EPB41L4A: variants seen among roughly 807,000 people sequenced by gnomAD.
EPB41L4A encodes the protein band 4.1-like protein 4A.
Under a neutral mutation model 108.6 loss-of-function variants are expected in EPB41L4A, and 100 were observed. The observed-to-expected ratio is 0.92, with a 90% CI of 0.78 to 1.09. The LOEUF (loss-of-function observed/expected upper bound fraction) is 1.09, where lower values mean the gene tolerates loss of function less well. Ranked by LOEUF, EPB41L4A falls within the 50% of genes least tolerant of loss-of-function variation. The pLI, the probability that EPB41L4A is intolerant of heterozygous loss-of-function variation, is 0.00. For missense variants in EPB41L4A, 1,030 were observed against 842.7 expected (o/e 1.22, Z -2.75); for synonymous variants, 319 against 289.0 (o/e 1.10, Z -1.05).
At chr5:112,150,111 C>T (rs1202908699) in intron 12 of EPB41L4A, among the ~76,000 whole-genome samples, 1 of 152,090 alleles carries the variant, frequency 6.6e-6, no homozygotes, top group African/African-American at 2.4e-5. Context: ...AACACCAGCC[C>T]TCCCTCATGT....
chr5:112,156,849 C>T (rs957986593), intron 12 of EPB41L4A, among the ~76,000 whole-genome samples: 1 of 152,042 alleles, frequency 6.6e-6, no homozygotes, highest in South Asian at 2.1e-4. Flanking sequence ...CAAGCGTAAT[C>T]AAACAATGAC....
At chr5:112,404,691 A>T (rs114667510) in intron 1 of EPB41L4A, among the ~76,000 whole-genome samples, 5 of 152,154 alleles carry the variant, frequency 3.3e-5, no homozygotes, top group East Asian at 1.9e-4. Context: ...TATTTTCATC[A>T]AGCTGATTAT....
In EPB41L4A at chr5:112,419,015, C is replaced by A. The variant is rs757626176; in HGVS notation, c.25G>T (p.Glu9Ter). 15 of 1,613,576 alleles carry A rather than the reference C, an allele frequency of 9.3e-6. 1 individual carries two copies. Among genetic ancestry groups the A allele is most frequent in the Middle Eastern group, 3.3e-4 (2 of 6,084 alleles). MGCFCAVPEEFYCEVLLLD... is the reference protein window; with the variant it reads MGCFCAVP Reference sequence around the variant, plus strand: ...AGCAAAACTTCGCAGTAAAATTCTTCCGGAACAGCGCAGAAACAGCCCATG... The same window carrying A: ...AGCAAAACTTCGCAGTAAAATTCTTACGGAACAGCGCAGAAACAGCCCATG... Residue 9 changes from glutamate to a stop codon, truncating the protein, a stop_gained, in exon 1 of 23, where the codon GAA becomes TAA. Transcript: ENST00000261486. LOFTEE classifies it high-confidence loss of function.
At chr5:112,392,868 T>G (rs1398711089) in intron 1 of EPB41L4A, 1 of 151,992 alleles carries the variant, frequency 6.6e-6, no homozygotes, top group South Asian at 2.1e-4. Context: ...AATGTAAAAG[T>G]ACAGAAATCA....
At chr5:112,409,766 C>G (rs1188382638) in intron 1 of EPB41L4A, among the ~76,000 whole-genome samples, 1 of 152,086 alleles carries the variant, frequency 6.6e-6, no homozygotes, top group Non-Finnish European at 1.5e-5. Flanking sequence ...TACCACTCAC[C>G]GGGAAAGGAG....
chr5:112,238,395 T>G (rs1199012458), intron 11 of EPB41L4A, among the ~76,000 whole-genome samples: 1 of 152,122 alleles, frequency 6.6e-6, no homozygotes, highest in Non-Finnish European at 1.5e-5. Flanking sequence ...CAATGACACT[T>G]AAGTATTTTT....
At chr5:112,321,720 T>C (rs534258545) in intron 1 of EPB41L4A, among the ~76,000 whole-genome samples, 6 of 152,298 alleles carry the variant, frequency 3.9e-5, no homozygotes, top group Admixed American at 6.5e-5. Context: ...TTTTAAAATA[T>C]AATAGTAAAT....
At chr5:112,215,401 A>T (rs932492745) in intron 12 of EPB41L4A, among the ~76,000 whole-genome samples, 1 of 152,212 alleles carries the variant, frequency 6.6e-6, no homozygotes, top group Non-Finnish European at 1.5e-5. Context: ...AAATAATAAT[A>T]ACTCTAGTGA....
At chr5:112,230,762 C>T (rs535324058) in intron 12 of EPB41L4A, among the ~76,000 whole-genome samples, 1 of 152,012 alleles carries the variant, frequency 6.6e-6, no homozygotes, top group African/African-American at 2.4e-5. Context: ...GTTTTTGTTG[C>T]ATTTGTTTTT....
chr5:112,321,876 T>C (rs1333281053), intron 1 of EPB41L4A, among the ~76,000 whole-genome samples: 1 of 152,174 alleles, frequency 6.6e-6, no homozygotes, highest in Non-Finnish European at 1.5e-5. Context: ...AGAAACACTG[T>C]TTATAACTCA....
chr5:112,346,885 C>G (rs1435181102), intron 1 of EPB41L4A, among the ~76,000 whole-genome samples: 4 of 152,212 alleles, frequency 2.6e-5, no homozygotes, highest in African/African-American at 9.6e-5. Flanking sequence ...TGCTGCATGT[C>G]TACATGGTTT....
intron 18 of EPB41L4A, among the ~76,000 whole-genome samples, chr5:112,179,075 C>T (rs1345551914): frequency 6.6e-6 from 1 of 151,800 alleles, no homozygotes; most frequent in Admixed American, 6.5e-5. Context: ...GAATTATAAG[C>T]AAATTTTTGC....
At position 112,295,369 on chromosome 5, in the gene EPB41L4A, C is replaced by G. The variant is rs531056966; in HGVS notation, c.204+12017G>C. On this transcript the variant is annotated intron_variant, in intron 2 of 22. Coordinates refer to ENST00000261486, the MANE Select transcript of EPB41L4A (RefSeq NM_022140.5). The stretch of plus-strand genomic sequence containing the variant: ...TCGGGGATGCTATGTGAGGACTTCC[C>G]AAAGGATACATGGGTAAACATAGTT... Among the ~76,000 whole-genome samples the G allele has an allele frequency of 3.0e-4, 46 of 152,242 alleles. No individual in the cohort carries two copies. In the South Asian group the frequency reaches 9.5e-3, roughly 32 times the overall value.
intron 2 of EPB41L4A, 77 bp from the exon 3 acceptor site, chr5:112,280,400 T>C (rs1373674139): frequency 2.2e-6 from 3 of 1,341,444 alleles, no homozygotes; most frequent in African/African-American, 2.9e-5. Flanking sequence ...ATTTGCAAAA[T>C]GTTATTTAAA....
intron 12 of EPB41L4A, among the ~76,000 whole-genome samples, chr5:112,222,845 G>C (rs1748164225): frequency 6.6e-6 from 1 of 152,006 alleles, no homozygotes; most frequent in Non-Finnish European, 1.5e-5. Flanking sequence ...GTTACAGAGG[G>C]CTCTTCCTCC....
In EPB41L4A at chr5:112,346,216, A is replaced by ATTTTTT. The variant is rs561328868; in HGVS notation, c.100-38732_100-38727dup. Among the ~76,000 whole-genome samples the ATTTTTT allele has an allele frequency of 1.2e-4, 8 of 67,346 alleles. 1 individual carries two copies. The highest frequency in any genetic ancestry group is 4.8e-4 in the Admixed American group (2 of 4,134). The allele number at this position is 67,346 out of a possible 152,430, so 44.2% of individuals were successfully genotyped here. ...AATTCTTTAAAGTTAGGTACATTGC[A>ATTTTTT]TTTTTTTTTTTTTTTTTTTTTTTTT... On this transcript the variant is annotated intron_variant, in intron 1 of 22. Transcript: ENST00000261486.
chr5:112,190,458 A>G (rs1761640704), intron 17 of EPB41L4A, among the ~76,000 whole-genome samples: 3 of 152,192 alleles, frequency 2.0e-5, no homozygotes, highest in Admixed American at 6.5e-5. Flanking sequence ...ATGAATCACA[A>G]GTTAAGAATC....
At chr5:112,294,400 A>G (rs1467477592) in intron 2 of EPB41L4A, among the ~76,000 whole-genome samples, 4 of 152,326 alleles carry the variant, frequency 2.6e-5, no homozygotes, top group Admixed American at 1.3e-4. Context: ...CTTGTTTTGC[A>G]GTGACAGAGG....
rs146549123 is a variant in EPB41L4A, at chr5:112,303,339, G to A, written c.204+4047C>T. Among the ~76,000 whole-genome samples, 222 of 152,234 alleles carry A rather than the reference G, an allele frequency of 1.5e-3. 1 individual carries two copies. The highest frequency in any genetic ancestry group is 5.2e-3 in the African/African-American group (218 of 41,554). ...TGTTCAATACTCAGAGTACTCGGGG[G>A]CAGGGAAGAGAATACAAATATTAAC... On this transcript the variant is annotated intron_variant, in intron 2 of 22. Coordinates refer to ENST00000261486, the MANE Select transcript of EPB41L4A (RefSeq NM_022140.5).
Sources: gnomAD v4.1 joint callset for allele counts (sites outside exome capture counted in the v4.1 genomes callset) on GRCh38, gnomAD v4.1.1 for gene constraint, MANE v1.5 for transcripts, NCBI Gene and HGNC (gene_info 2026-07-23, HGNC 2026-07-21) for gene names.